Variants in PCDH9 observed in about 807,000 individuals in gnomAD.
PCDH9 encodes the protein protocadherin 9, also known as protocadherin-9.
PCDH9 carries 24 observed loss-of-function variants against 70.6 expected under a neutral mutation model. The ratio of observed to expected loss-of-function variants is 0.34; its 90% CI spans 0.25 to 0.48. PCDH9 has a LOEUF of 0.48. Among genes scored for constraint, PCDH9 ranks in the 20% least tolerant of loss-of-function variants. The pLI is 0.99. For synonymous variants in PCDH9, 562 were observed against 558.5 expected (o/e 1.01, Z -0.09); for missense variants, 1,281 against 1,503.6 (o/e 0.85, Z 2.45).
chr13:67,168,509 TTGAGC>T (rs2088185245), intron 2 of PCDH9, among the ~76,000 whole-genome samples: 1 of 152,114 alleles, frequency 6.6e-6, no homozygotes, highest in Non-Finnish European at 1.5e-5. Context: ...GCAGAATTGC[TTGAGC>T]CCAGGAGTTC....
intron 2 of PCDH9, among the ~76,000 whole-genome samples, chr13:67,033,517 T>A (rs2084948627): frequency 6.6e-6 from 1 of 152,166 alleles, no homozygotes; most frequent in African/African-American, 2.4e-5. Flanking sequence ...TGGGGTTGTA[T>A]AACTTTTGCT....
intron 2 of PCDH9, among the ~76,000 whole-genome samples, chr13:67,131,914 T>C (rs2087120580): frequency 6.6e-6 from 1 of 152,162 alleles, no homozygotes; most frequent in African/African-American, 2.4e-5. Flanking sequence ...GTTCTGATCA[T>C]AGAAGACCAT....
At chr13:66,905,921 C>G (rs1033040149) in intron 2 of PCDH9, among the ~76,000 whole-genome samples, 1 of 152,084 alleles carries the variant, frequency 6.6e-6, no homozygotes, top group Non-Finnish European at 1.5e-5. Flanking sequence ...TTCTACTGTA[C>G]CATATCTCCC....
chr13:67,053,938 C>T (rs1300521528), intron 2 of PCDH9, among the ~76,000 whole-genome samples: 1 of 152,148 alleles, frequency 6.6e-6, no homozygotes. Context: ...TATTATCCCA[C>T]TCTTTTCAGT....
At chr13:67,090,684 A>G (rs1014796460) in intron 2 of PCDH9, among the ~76,000 whole-genome samples, 13 of 152,058 alleles carry the variant, frequency 8.5e-5, no homozygotes, top group Non-Finnish European at 1.9e-4. Context: ...ATAAAAATGA[A>G]AAAAATCATT....
At chr13:66,510,674 T>A (rs944592754) in intron 4 of PCDH9, among the ~76,000 whole-genome samples, 6 of 152,162 alleles carry the variant, frequency 3.9e-5, no homozygotes, top group Non-Finnish European at 8.8e-5. Context: ...TCCATGTCCC[T>A]ACAAAGGAAA....
At chr13:66,631,160 C>A in intron 4 of PCDH9, 50 bp downstream of exon 4, 1 of 941,922 alleles carries the variant, frequency 1.1e-6, no homozygotes, top group East Asian at 2.4e-5. Flanking sequence ...CTCAAGTGCA[C>A]TACAAAACCA....
intron 4 of PCDH9, among the ~76,000 whole-genome samples, chr13:66,543,973 T>A (rs527307474): frequency 6.6e-6 from 1 of 152,254 alleles, no homozygotes; most frequent in African/African-American, 2.4e-5. Context: ...TCTGAACAGC[T>A]CCTTACTGCC....
chr13:67,089,007 G>A (rs1044767188), intron 2 of PCDH9, among the ~76,000 whole-genome samples: 1 of 151,914 alleles, frequency 6.6e-6, no homozygotes, highest in African/African-American at 2.4e-5. Flanking sequence ...CTATTTTCTT[G>A]CATATTTCCC....
At chr13:67,112,803 G>C (rs1303383342) in intron 2 of PCDH9, among the ~76,000 whole-genome samples, 4 of 151,662 alleles carry the variant, frequency 2.6e-5, no homozygotes, top group African/African-American at 7.3e-5. Flanking sequence ...CTGCAGCCTC[G>C]ACCTCCCAAG....
chr13:66,567,386 C>T (rs1453362607), intron 4 of PCDH9, among the ~76,000 whole-genome samples: 1 of 152,094 alleles, frequency 6.6e-6, no homozygotes, highest in Non-Finnish European at 1.5e-5. Context: ...GCTCCTTTTT[C>T]CTCTGACACT....
intron 3 of PCDH9, among the ~76,000 whole-genome samples, chr13:66,829,134 C>T (rs2080878287): frequency 6.6e-6 from 1 of 152,128 alleles, no homozygotes; most frequent in Non-Finnish European, 1.5e-5. Flanking sequence ...TCTCCTGCCG[C>T]AGCTTCCCGA....
At chr13:67,079,086 G>A (rs1001915430) in intron 2 of PCDH9, among the ~76,000 whole-genome samples, 22 of 151,830 alleles carry the variant, frequency 1.4e-4, no homozygotes, top group Non-Finnish European at 2.9e-5. Flanking sequence ...GAGGTGAGCG[G>A]ATCACAAGGT....
At chr13:66,736,677 GC>G (rs1334410263) in intron 3 of PCDH9, among the ~76,000 whole-genome samples, 1 of 152,170 alleles carries the variant, frequency 6.6e-6, no homozygotes, top group East Asian at 1.9e-4. Flanking sequence ...ACTGGTCATT[GC>G]AACATTTTTA....
intron 2 of PCDH9, among the ~76,000 whole-genome samples, chr13:66,939,695 G>A (rs1398879249): frequency 1.3e-5 from 2 of 152,006 alleles, no homozygotes; most frequent in Non-Finnish European, 2.9e-5. Context: ...TGGAATTACA[G>A]GCATGAGTCA....
At chr13:67,063,504 C>A (rs2085579844) in intron 2 of PCDH9, among the ~76,000 whole-genome samples, 1 of 135,562 alleles carries the variant, frequency 7.4e-6, no homozygotes, top group Admixed American at 8.2e-5. Context: ...ATCTGAGGCT[C>A]ATAGAATTTA....
In PCDH9 at chr13:66,677,043, C is replaced by T. The variant is rs1431838148; in HGVS notation, c.3139-45632G>A. 2.0e-5 allele frequency among the ~76,000 whole-genome samples: 3 copies of T among 151,906 alleles called. No homozygotes were observed. The East Asian group carries it at 5.8e-4, about 29-fold the overall frequency. ...ACACCGAAGAAGATACAGATAGTGACACAGGAATGTCATGAAGGTTAATGG... is the reference window on the plus strand; with the variant it reads ...ACACCGAAGAAGATACAGATAGTGATACAGGAATGTCATGAAGGTTAATGG... On this transcript the variant is annotated intron_variant, in intron 3 of 4. Transcript: ENST00000377865.
At chr13:66,719,933 A>G (rs1258034129) in intron 3 of PCDH9, among the ~76,000 whole-genome samples, 1 of 152,196 alleles carries the variant, frequency 6.6e-6, no homozygotes, top group African/African-American at 2.4e-5. Flanking sequence ...TTTAAGTAAA[A>G]TCAAGCGTGG....
chr13:66,366,877 T>C (rs1420208883), intron 4 of PCDH9, among the ~76,000 whole-genome samples: 3 of 152,112 alleles, frequency 2.0e-5, no homozygotes, highest in African/African-American at 4.8e-5. Flanking sequence ...TAGTATATGA[T>C]AGAAGCAGCT....
Sources: allele counts gnomAD v4.1 joint callset (sites outside exome capture counted in the v4.1 genomes callset), GRCh38; gene constraint gnomAD v4.1.1; transcripts MANE v1.5; gene names NCBI Gene and HGNC (gene_info 2026-07-23, HGNC 2026-07-21).